The following TRDN variants were observed in gnomAD, a reference collection of about 807,000 sequenced individuals.
TRDN encodes the protein triadin, also known as triadin in skeletal muscle.
A neutral mutation model predicts 149.7 loss-of-function variants in TRDN; 161 were observed. The ratio of observed to expected loss-of-function variants is 1.08; its 90% CI spans 0.95 to 1.23. TRDN has a LOEUF of 1.23. TRDN is among the 50% of genes most tolerant of loss of function. The probability of loss-of-function intolerance (pLI) is 0.00; values close to 1 mark genes in which losing one functional copy is unlikely to be tolerated. For missense variants in TRDN, 896 were observed against 823.5 expected, an observed-to-expected ratio of 1.09 and a Z score of -1.08; for synonymous variants, 294 against 250.5, an observed-to-expected ratio of 1.17 and a Z score of -1.64.
intron 21 of TRDN, among the ~76,000 whole-genome samples, chr6:123,340,353 C>T (rs1175678523): frequency 6.6e-6 from 1 of 152,022 alleles, no homozygotes; most frequent in African/African-American, 2.4e-5. Flanking sequence ...ATTTATTATT[C>T]ATTGCTCTGA....
intron 2 of TRDN, among the ~76,000 whole-genome samples, chr6:123,569,545 G>A (rs778973941): frequency 6.6e-6 from 1 of 152,068 alleles, no homozygotes; most frequent in Non-Finnish European, 1.5e-5. Flanking sequence ...CTTAAGACTG[G>A]GTAATTTATA....
intron 1 of TRDN, among the ~76,000 whole-genome samples, chr6:123,586,340 C>CGAGGAGCAGCCTGGG (rs1783481685): frequency 6.6e-6 from 1 of 150,882 alleles, no homozygotes; most frequent in Admixed American, 6.6e-5. Context: ...CTCGGCCTGG[C>CGAGGAGCAGCCTGGG]GAGGAGGGGA....
intron 24 of TRDN, among the ~76,000 whole-genome samples, chr6:123,305,363 T>C (rs762941678): frequency 1.2e-4 from 18 of 152,286 alleles, no homozygotes; most frequent in Non-Finnish European, 2.6e-4. Context: ...TGTTATTAGA[T>C]TGTAACTCTA....
At chr6:123,426,465 T>A in intron 12 of TRDN, among the ~76,000 whole-genome samples, 1 of 152,256 alleles carries the variant, frequency 6.6e-6, no homozygotes, top group Middle Eastern at 3.4e-3. Flanking sequence ...GGAGCAATAG[T>A]AAGTAGTACA....
chr6:123,528,614 A>C, intron 5 of TRDN: 9 of 984,346 alleles, frequency 9.1e-6, no homozygotes, highest in Non-Finnish European at 1.1e-5. Context: ...ACTATCCATC[A>C]CATACAACCA....
At chr6:123,233,834 C>T (rs1228827448) in intron 38 of TRDN, among the ~76,000 whole-genome samples, 1 of 151,894 alleles carries the variant, frequency 6.6e-6, no homozygotes, top group African/African-American at 2.4e-5. Context: ...TAATTGTATC[C>T]ATTTTGACAC....
intron 23 of TRDN, among the ~76,000 whole-genome samples, chr6:123,319,087 C>T (rs1293502848): frequency 6.6e-6 from 1 of 151,946 alleles, no homozygotes; most frequent in African/African-American, 2.4e-5. Flanking sequence ...CTCAAGTCTT[C>T]ATTCTGTCAT....
At position 123,375,589 on chromosome 6, in the gene TRDN, A is replaced by G. The variant is rs1055067085; in HGVS notation, c.1273+16T>C. The G allele has an allele frequency of 4.6e-6, 7 of 1,532,478 alleles. No homozygotes were observed. The Admixed American group carries it at 1.3e-4, about 27-fold the overall frequency. The allele number at this position is 1,532,478 out of a possible 1,614,324, so 94.9% of individuals were successfully genotyped here. ...TGCCCAAATATGCTCTTCTTTAAAA[A>G]TTTTGTTCAACATACTTGCTTTTAC... On this transcript the variant is annotated intron_variant, in intron 19 of 40. Transcript: ENST00000334268.
At chr6:123,219,624 C>A (rs1775073763) in intron 40 of TRDN, among the ~76,000 whole-genome samples, 2 of 151,750 alleles carry the variant, frequency 1.3e-5, no homozygotes, top group Non-Finnish European at 2.9e-5. Flanking sequence ...GAGAAGCAAC[C>A]AGGGAGTATT....
chr6:123,522,805 C>T (rs1048737380), intron 5 of TRDN, among the ~76,000 whole-genome samples: 1 of 152,014 alleles, frequency 6.6e-6, no homozygotes, highest in Non-Finnish European at 1.5e-5. Flanking sequence ...CAAATTAAAT[C>T]GTTATTTCAG....
intron 5 of TRDN, among the ~76,000 whole-genome samples, chr6:123,519,727 CAA>C (rs549575718): frequency 7.1e-6 from 1 of 140,508 alleles, no homozygotes; most frequent in Admixed American, 7.1e-5. Flanking sequence ...AGTACCCAAC[CAA>C]AAAAAAAAAA....
chr6:123,447,514 G>T (rs1446584349), intron 10 of TRDN, among the ~76,000 whole-genome samples: 1 of 152,148 alleles, frequency 6.6e-6, no homozygotes, highest in Non-Finnish European at 1.5e-5. Flanking sequence ...AAAAGGGCCT[G>T]TGGGGCCCAG....
intron 31 of TRDN, among the ~76,000 whole-genome samples, chr6:123,269,172 A>T (rs1279145910): frequency 6.6e-6 from 1 of 151,992 alleles, no homozygotes; most frequent in East Asian, 1.9e-4. Context: ...ACAGTGGGTA[A>T]ATATTTATGC....
At position 123,633,202 on chromosome 6, in the gene TRDN, G is replaced by A. The variant is rs933739411; in HGVS notation, c.22+3552C>T. Reference sequence around the variant, plus strand: ...TATATATGGGATTCCCAGCAACTTGGATACATTACATTGCAAGGAAGATAA... The same window carrying A: ...TATATATGGGATTCCCAGCAACTTGAATACATTACATTGCAAGGAAGATAA... On this transcript the variant is annotated intron_variant, in intron 1 of 40. Coordinates refer to ENST00000334268, the MANE Select transcript of TRDN (RefSeq NM_006073.4). Among the ~76,000 whole-genome samples, 24 of 151,998 alleles carry A rather than the reference G, an allele frequency of 1.6e-4. 1 individual carries two copies. Among genetic ancestry groups the A allele is most frequent in the Admixed American group, 3.3e-4 (5 of 15,210 alleles).
intron 1 of TRDN, among the ~76,000 whole-genome samples, chr6:123,588,054 G>T (rs1194785392): frequency 1.3e-5 from 2 of 152,066 alleles, no homozygotes; most frequent in Admixed American, 1.3e-4. Context: ...TCAGGTAGCA[G>T]GCTTCAGAGA....
chr6:123,582,558 C>G (rs1230530938), intron 1 of TRDN, among the ~76,000 whole-genome samples: 2 of 151,826 alleles, frequency 1.3e-5, no homozygotes, highest in African/African-American at 2.4e-5. Flanking sequence ...CGCTTTTGAG[C>G]CAGGATGAGC....
intron 38 of TRDN, among the ~76,000 whole-genome samples, chr6:123,242,153 G>A (rs1043765645): frequency 6.6e-6 from 1 of 152,058 alleles, no homozygotes; most frequent in African/African-American, 2.4e-5. Flanking sequence ...CCGCAGCATT[G>A]TTTGCCTTTT....
intron 4 of TRDN, among the ~76,000 whole-genome samples, chr6:123,535,813 T>A (rs985857336): frequency 1.3e-5 from 2 of 152,208 alleles, no homozygotes; most frequent in African/African-American, 2.4e-5. Flanking sequence ...ATTTTAATAA[T>A]CCTCATATGA....
At chr6:123,552,815 GA>G (rs1781461561) in intron 2 of TRDN, among the ~76,000 whole-genome samples, 1 of 152,072 alleles carries the variant, frequency 6.6e-6, no homozygotes, top group Non-Finnish European at 1.5e-5. Context: ...ATATTGAGAA[GA>G]TTAACTTTTG....
Sources: gnomAD v4.1 joint callset for allele counts (sites outside exome capture counted in the v4.1 genomes callset) on GRCh38, gnomAD v4.1.1 for gene constraint, MANE v1.5 for transcripts, NCBI Gene and HGNC (gene_info 2026-07-23, HGNC 2026-07-21) for gene names.